SLCO1B3: variants seen among roughly 807,000 people sequenced by gnomAD.
SLCO1B3 encodes liver-specific organic anion transporter 2.
In SLCO1B3, 72 loss-of-function variants were observed where a neutral mutation model predicts 71.8. That is an observed-to-expected ratio of 1.00 (90% CI 0.83 to 1.22). The LOEUF is 1.22. Among genes scored for constraint, SLCO1B3 ranks in the 50% most tolerant of loss-of-function variants. The probability of loss-of-function intolerance (pLI) is 0.00; values close to 1 mark genes in which losing one functional copy is unlikely to be tolerated. For missense variants in SLCO1B3, 911 were observed against 819.7 expected (o/e 1.11, Z -1.36); for synonymous variants, 298 against 278.4 (o/e 1.07, Z -0.70).
At chr12:20,846,543 A>G (rs1219500818) in intron 3 of SLCO1B3, among the ~76,000 whole-genome samples, 4 of 152,220 alleles carry the variant, frequency 2.6e-5, no homozygotes, top group South Asian at 2.1e-4. Flanking sequence ...AACAATGACA[A>G]TGAGTGAGTT....
At chr12:20,851,717 A>G (rs1186044177) in intron 3 of SLCO1B3, among the ~76,000 whole-genome samples, 1 of 152,176 alleles carries the variant, frequency 6.6e-6, no homozygotes, top group African/African-American at 2.4e-5. Flanking sequence ...TTTGGGTGTC[A>G]TACTCAAGAA....
At chr12:20,857,656 T>G (rs1696582657) in intron 4 of SLCO1B3, among the ~76,000 whole-genome samples, 1 of 152,104 alleles carries the variant, frequency 6.6e-6, no homozygotes, top group African/African-American at 2.4e-5. Flanking sequence ...AAAAAAAGTT[T>G]CTACTCTTTT....
intron 13 of SLCO1B3, among the ~76,000 whole-genome samples, chr12:20,897,122 C>A (rs527701334): frequency 6.6e-6 from 1 of 152,126 alleles, no homozygotes; most frequent in Non-Finnish European, 1.5e-5. Context: ...AGAGCCAAAT[C>A]GTATCAGATT....
intron 13 of SLCO1B3, among the ~76,000 whole-genome samples, chr12:20,897,591 T>C (rs745486764): frequency 6.6e-5 from 10 of 152,212 alleles, no homozygotes; most frequent in Non-Finnish European, 1.5e-4. Context: ...TAGTAGGTGC[T>C]TAGTGAATGT....
rs1865758193 is a variant in SLCO1B3, at chr12:20,884,645, A to G, written c.1682+1043A>G. On this transcript the variant is annotated intron_variant, in intron 13 of 15. Transcript: ENST00000381545. ...CAATCACCTAAAACGGGAAACATGT[A>G]AAGACATGCATGTAGATCTTAAAAA... 2.0e-5 allele frequency among the ~76,000 whole-genome samples: 3 copies of G among 152,100 alleles called. No homozygotes were observed. In the South Asian group the frequency reaches 6.2e-4, roughly 32 times the overall value.
At chr12:20,879,307 C>T (rs779208269) in intron 10 of SLCO1B3, 129 bp from the exon 11 acceptor site, 22 of 534,744 alleles carry the variant, frequency 4.1e-5, no homozygotes, top group East Asian at 1.2e-4. Context: ...CTCCCAGGTT[C>T]TCCACCCTTC....
rs747216573 is a variant in SLCO1B3 at position 20,877,812 on chromosome 12, G to C, written c.1011G>C (p.Leu337=). The change falls in exon 10 of 16, where the codon CTG becomes CTC. Residue 337 remains leucine, a synonymous_variant. Coordinates refer to ENST00000381545, the MANE Select transcript of SLCO1B3 (RefSeq NM_019844.4). ...QSLKSILTNP[L]YVIFLLLTLL... is the part of the protein sequence containing the mutation. ...TGAAAAGCATCCTTACCAATCCCCT[G>C]TATGTTATATTTCTGCTTTTGACAT... 1.9e-6 allele frequency: 3 copies of C among 1,559,396 alleles called. No individual in the cohort carries two copies. Among genetic ancestry groups the C allele is most frequent in the Admixed American group, 1.9e-5 (1 of 52,634 alleles).
At chr12:20,901,509 T>A in intron 15 of SLCO1B3, 42 bp downstream of exon 15, 1 of 1,065,956 alleles carries the variant, frequency 9.4e-7, no homozygotes, top group Non-Finnish European at 1.4e-6. Context: ...ATTTTTTCTT[T>A]GTCTATGTTA....
At chr12:20,846,783 A>C (rs1282028159) in intron 3 of SLCO1B3, among the ~76,000 whole-genome samples, 1 of 150,752 alleles carries the variant, frequency 6.6e-6, no homozygotes, top group Non-Finnish European at 1.5e-5. Flanking sequence ...ATTTTTTAAA[A>C]TAAAATAAAC....
At chr12:20,882,117 G>A (rs1865706294) in intron 12 of SLCO1B3, among the ~76,000 whole-genome samples, 1 of 152,082 alleles carries the variant, frequency 6.6e-6, no homozygotes, top group Admixed American at 6.5e-5. Context: ...GTCCTGTGTT[G>A]TCCAGTAGTG....
intron 15 of SLCO1B3, among the ~76,000 whole-genome samples, chr12:20,901,747 C>T (rs1018388236): frequency 6.6e-6 from 1 of 152,024 alleles, no homozygotes; most frequent in Admixed American, 6.6e-5. Context: ...AAAAGAAATA[C>T]AGCTAGGATT....
chr12:20,894,628 A>G (rs1865967542), intron 13 of SLCO1B3, among the ~76,000 whole-genome samples: 1 of 152,134 alleles, frequency 6.6e-6, no homozygotes, highest in African/African-American at 2.4e-5. Context: ...ACAGTGAAAA[A>G]TACATGTCAG....
chr12:20,911,391 G>T (rs769150449), intron 15 of SLCO1B3, among the ~76,000 whole-genome samples: 1 of 152,038 alleles, frequency 6.6e-6, no homozygotes, highest in African/African-American at 2.4e-5. Flanking sequence ...GAGATGTATC[G>T]CTCTGTAGTT....
At chr12:20,841,463 G>A (rs10743400) in intron 3 of SLCO1B3, among the ~76,000 whole-genome samples, 115,414 of 151,882 alleles carry the variant, frequency 0.76, 45,323 homozygotes, top group South Asian at 0.92. Context: ...CCCCAAATAT[G>A]TAGGGATTCT....
At chr12:20,872,283 G>A (rs754873452) in intron 8 of SLCO1B3, among the ~76,000 whole-genome samples, 3 of 151,354 alleles carry the variant, frequency 2.0e-5, no homozygotes, top group Non-Finnish European at 2.9e-5. Context: ...ATCCTTCAGG[G>A]CAGTGGGTCT....
At chr12:20,902,594 G>C (rs962481074) in intron 15 of SLCO1B3, among the ~76,000 whole-genome samples, 4 of 152,126 alleles carry the variant, frequency 2.6e-5, no homozygotes, top group Non-Finnish European at 5.9e-5. Flanking sequence ...AAAACTACCT[G>C]TAAGTGACTA....
At chr12:20,882,041 A>G (rs1865705214) in intron 12 of SLCO1B3, among the ~76,000 whole-genome samples, 1 of 152,214 alleles carries the variant, frequency 6.6e-6, no homozygotes, top group Non-Finnish European at 1.5e-5. Context: ...GACTATACTT[A>G]AAAGCCCACA....
intron 3 of SLCO1B3, among the ~76,000 whole-genome samples, chr12:20,840,983 A>T (rs1319818293): frequency 6.6e-6 from 1 of 152,206 alleles, no homozygotes; most frequent in Non-Finnish European, 1.5e-5. Flanking sequence ...CCTGAAGAGA[A>T]AATCATCAAA....
intron 3 of SLCO1B3, among the ~76,000 whole-genome samples, chr12:20,828,369 T>G (rs1864470929): frequency 6.6e-6 from 1 of 151,040 alleles, no homozygotes; most frequent in Non-Finnish European, 1.5e-5. Flanking sequence ...CTTGTCTGAT[T>G]GCACTCTTGG....
Sources: allele counts gnomAD v4.1 joint callset (sites outside exome capture counted in the v4.1 genomes callset), GRCh38; gene constraint gnomAD v4.1.1; transcripts MANE v1.5; gene names NCBI Gene and HGNC (gene_info 2026-07-23, HGNC 2026-07-21).